The following ROBO1 variants were observed in gnomAD, a reference collection of about 807,000 sequenced individuals.
The protein encoded by ROBO1 is roundabout homolog 1.
A neutral mutation model predicts 195.9 loss-of-function variants in ROBO1; 149 were observed. The observed-to-expected ratio is 0.76, with a 90% CI of 0.67 to 0.87. The LOEUF is 0.87. Among genes scored for constraint, ROBO1 ranks in the 40% least tolerant of loss-of-function variants. ROBO1 has a pLI of 0.00. For missense variants in ROBO1, 1,933 were observed against 2,068.3 expected, an observed-to-expected ratio of 0.93 and a Z score of 1.27; for synonymous variants, 816 against 733.2, an observed-to-expected ratio of 1.11 and a Z score of -1.82.
At chr3:78,705,687 C>T (rs1284134651) in intron 8 of ROBO1, among the ~76,000 whole-genome samples, 2 of 152,146 alleles carry the variant, frequency 1.3e-5, no homozygotes, top group Non-Finnish European at 2.9e-5. Context: ...ATACTGTTAA[C>T]TGAGTAAAGA....
chr3:78,993,692 G>T (rs577286519), intron 3 of ROBO1, among the ~76,000 whole-genome samples: 1 of 152,146 alleles, frequency 6.6e-6, no homozygotes, highest in South Asian at 2.1e-4. Context: ...AGGATCCATT[G>T]GCCCAAATGA....
chr3:79,661,547 C>G (rs1376107013), intron 1 of ROBO1, among the ~76,000 whole-genome samples: 1 of 150,624 alleles, frequency 6.6e-6, no homozygotes, highest in African/African-American at 2.4e-5. Context: ...TTTCTATCGT[C>G]TTTTCCTTTC....
At chr3:79,120,115 C>T (rs986569298) in intron 3 of ROBO1, among the ~76,000 whole-genome samples, 2 of 152,000 alleles carry the variant, frequency 1.3e-5, no homozygotes, top group Non-Finnish European at 2.9e-5. Context: ...ACCTCATATA[C>T]CCCCATGTAC....
At chr3:79,340,076 C>T (rs1176117852) in intron 2 of ROBO1, among the ~76,000 whole-genome samples, 1 of 152,186 alleles carries the variant, frequency 6.6e-6, no homozygotes, top group African/African-American at 2.4e-5. Context: ...GCTCTGCTGG[C>T]CTCGCCTAGA....
chr3:79,106,107 T>G (rs2079774532), intron 3 of ROBO1, among the ~76,000 whole-genome samples: 1 of 151,806 alleles, frequency 6.6e-6, no homozygotes, highest in South Asian at 2.1e-4. Context: ...GCAACTTGAC[T>G]AGCTGAAACA....
chr3:78,838,668 G>A (rs1234677277), intron 4 of ROBO1, among the ~76,000 whole-genome samples: 2 of 152,082 alleles, frequency 1.3e-5, no homozygotes, highest in East Asian at 3.9e-4. Context: ...TTACCCCTGA[G>A]AAAGTTCATC....
At chr3:79,420,584 G>A (rs886402966) in intron 2 of ROBO1, among the ~76,000 whole-genome samples, 2 of 152,118 alleles carry the variant, frequency 1.3e-5, no homozygotes, top group Non-Finnish European at 2.9e-5. Context: ...TGACTTTGGC[G>A]ATTCTCCCAT....
At chr3:79,572,484 A>T (rs926490519) in intron 2 of ROBO1, among the ~76,000 whole-genome samples, 7 of 151,916 alleles carry the variant, frequency 4.6e-5, no homozygotes, top group Non-Finnish European at 8.8e-5. Context: ...TGTTTAGGTA[A>T]TATATATATA....
chr3:79,476,720 C>T (rs1938563194), intron 2 of ROBO1, among the ~76,000 whole-genome samples: 1 of 151,540 alleles, frequency 6.6e-6, no homozygotes, highest in South Asian at 2.1e-4. Context: ...TATGAGGATG[C>T]AAAGGCATAA....
chr3:79,359,248 A>G (rs1403573994), intron 2 of ROBO1, among the ~76,000 whole-genome samples: 1 of 152,062 alleles, frequency 6.6e-6, no homozygotes, highest in Non-Finnish European at 1.5e-5. Flanking sequence ...GAATGAATCA[A>G]TTAACTCCTT....
intron 1 of ROBO1, among the ~76,000 whole-genome samples, chr3:79,690,972 T>C (rs1004507228): frequency 1.3e-5 from 2 of 151,920 alleles, no homozygotes; most frequent in Non-Finnish European, 2.9e-5. Flanking sequence ...GCACTTTACA[T>C]ATATAATTTA....
At position 78,954,763 on chromosome 3, in the gene ROBO1, T is replaced by C. The variant is rs77799554; in HGVS notation, c.173-15836A>G. Among the ~76,000 whole-genome samples, 210 of 152,178 alleles carry C rather than the reference T, an allele frequency of 1.4e-3. 1 individual carries two copies. In the East Asian group the frequency reaches 0.031, roughly 23 times the overall value. ...AATATAGAAATAGCAGATGGTTATA[T>C]ATTTGAGCCAACTATAACCTCAATA... On this transcript the variant is annotated intron_variant, in intron 3 of 30. Transcript: ENST00000464233.
chr3:78,657,085 C>T lies in ROBO1; in HGVS notation c.2614+13G>A. The T allele has an allele frequency of 6.3e-7, 1 of 1,594,210 alleles. No homozygotes were observed. The highest frequency in any genetic ancestry group is 8.5e-7 in the Non-Finnish European group (1 of 1,170,204). ...GTGAGAGATTGTCAAACTGGATCTG[C>T]ACTGACACTCACCCAGCTGGATGAA... On this transcript the variant is annotated intron_variant, in intron 18 of 30. Transcript: ENST00000464233.
At chr3:79,753,188 T>A (rs962177455) in intron 1 of ROBO1, among the ~76,000 whole-genome samples, 2 of 152,128 alleles carry the variant, frequency 1.3e-5, no homozygotes, top group Non-Finnish European at 2.9e-5. Flanking sequence ...CTTTGCTGCT[T>A]ATTCAAACCA....
chr3:79,118,892 T>A, intron 3 of ROBO1, among the ~76,000 whole-genome samples: 1 of 150,938 alleles, frequency 6.6e-6, no homozygotes, highest in East Asian at 1.9e-4. Flanking sequence ...TTTGAAGCAA[T>A]CTCTCCACAG....
intron 2 of ROBO1, among the ~76,000 whole-genome samples, chr3:79,193,064 G>A (rs1375018534): frequency 2.6e-5 from 4 of 151,578 alleles, no homozygotes; most frequent in African/African-American, 4.8e-5. Flanking sequence ...GATGTTGGTC[G>A]CCATAGGTGA....
intron 5 of ROBO1, among the ~76,000 whole-genome samples, chr3:78,730,047 G>A (rs968434008): frequency 1.3e-5 from 2 of 152,208 alleles, no homozygotes; most frequent in Non-Finnish European, 2.9e-5. Flanking sequence ...AAGACAGCCT[G>A]AAATAAAAAT....
chr3:78,709,652 A>G (rs1001708944), intron 8 of ROBO1, among the ~76,000 whole-genome samples: 1 of 152,194 alleles, frequency 6.6e-6, no homozygotes, highest in African/African-American at 2.4e-5. Flanking sequence ...TTCTATTAAC[A>G]GGGTGCAACC....
At chr3:78,969,908 C>A (rs118102710) in intron 3 of ROBO1, among the ~76,000 whole-genome samples, 4 of 152,012 alleles carry the variant, frequency 2.6e-5, no homozygotes, top group Non-Finnish European at 2.9e-5. Flanking sequence ...CAGTGAGTTA[C>A]GACTGAAACA....
Sources: allele counts gnomAD v4.1 joint callset (sites outside exome capture counted in the v4.1 genomes callset), GRCh38; gene constraint gnomAD v4.1.1; transcripts MANE v1.5; gene names NCBI Gene and HGNC (gene_info 2026-07-23, HGNC 2026-07-21).